GLRA2: variants seen among roughly 807,000 people sequenced by gnomAD.
The protein encoded by GLRA2 is glycine receptor alpha 2.
Under a neutral mutation model 31.6 loss-of-function variants are expected in GLRA2, and 11 were observed. The observed-to-expected ratio is 0.35, with a 90% CI of 0.22 to 0.58. The LOEUF is 0.58. Among genes scored for constraint, GLRA2 ranks in the 20% least tolerant of loss-of-function variants. The probability of loss-of-function intolerance (pLI) is 0.84; values close to 1 mark genes in which losing one functional copy is unlikely to be tolerated. For synonymous variants in GLRA2, 132 were observed against 134.0 expected (o/e 0.99, Z 0.10); for missense variants, 212 against 351.8 (o/e 0.60, Z 3.18).
the GLRA2 span, among the ~76,000 whole-genome samples, chrX:14,504,163 GA>G: frequency 8.9e-6 from 1 of 111,890 alleles, no homozygotes; most frequent in Non-Finnish European, 1.9e-5. Context: ...AAGTTTGGAA[GA>G]AAATAAAGTG....
intron 7 of GLRA2, among the ~76,000 whole-genome samples, chrX:14,636,387 A>T (rs2090710500): frequency 9.0e-6 from 1 of 111,118 alleles, no homozygotes; most frequent in African/African-American, 3.3e-5. Context: ...GATTGTATAT[A>T]ACCTCGGTAT....
chrX:14,449,333 A>T, the GLRA2 span, among the ~76,000 whole-genome samples: 1 of 112,233 alleles, frequency 8.9e-6, no homozygotes, highest in African/African-American at 3.2e-5. Flanking sequence ...CTGGGATCCT[A>T]GCAAAAAGAG....
intron 7 of GLRA2, among the ~76,000 whole-genome samples, chrX:14,622,644 G>C (rs1233324288): frequency 8.9e-6 from 1 of 111,815 alleles, no homozygotes; most frequent in Non-Finnish European, 1.9e-5. Context: ...CGTTAGGTTT[G>C]TCAAAGATCA....
intron 8 of GLRA2, among the ~76,000 whole-genome samples, chrX:14,722,339 C>T (rs1186171492): frequency 9.0e-6 from 1 of 111,189 alleles, no homozygotes; most frequent in Admixed American, 9.6e-5. Flanking sequence ...ACATGGGCTA[C>T]TTTGAGTTCT....
At chrX:14,502,569 C>T in the GLRA2 span, among the ~76,000 whole-genome samples, 1 of 111,362 alleles carries the variant, frequency 9.0e-6, no homozygotes, top group African/African-American at 3.3e-5. Flanking sequence ...AATACCGAAC[C>T]ATTGCTCCTA....
intron 7 of GLRA2, among the ~76,000 whole-genome samples, chrX:14,641,327 G>T (rs1235727116): frequency 1.8e-5 from 2 of 111,049 alleles, no homozygotes; most frequent in African/African-American, 6.5e-5. Flanking sequence ...AATAATTTTT[G>T]CCTTTTTTGA....
intron 2 of GLRA2, among the ~76,000 whole-genome samples, chrX:14,540,729 T>C (rs1011050193): frequency 5.4e-5 from 6 of 111,269 alleles, no homozygotes; most frequent in Admixed American, 4.8e-4. Flanking sequence ...AGATAAGTGC[T>C]ATCCCCAAAA....
chrX:14,614,467 G>A (rs1435307988), intron 7 of GLRA2, among the ~76,000 whole-genome samples: 1 of 111,317 alleles, frequency 9.0e-6, no homozygotes, highest in African/African-American at 3.3e-5. Flanking sequence ...TCCTTAATAA[G>A]ATAGCCCTTC....
the GLRA2 span, among the ~76,000 whole-genome samples, chrX:14,461,496 G>A: frequency 3.2e-4 from 36 of 111,688 alleles, no homozygotes; most frequent in African/African-American, 1.1e-3. Context: ...TCTCTTTGTA[G>A]GTCTCTAAGA....
chrX:14,725,531 C>T (rs1031480009), intron 8 of GLRA2, among the ~76,000 whole-genome samples: 3 of 111,750 alleles, frequency 2.7e-5, no homozygotes, highest in African/African-American at 6.5e-5. Flanking sequence ...GTGAGAAATG[C>T]GATGGAAAGA....
chrX:14,616,900 G>A (rs16979633), intron 7 of GLRA2, among the ~76,000 whole-genome samples: 2,860 of 111,809 alleles, frequency 0.026, 81 homozygotes, highest in African/African-American at 0.088. Context: ...ATATGTAGGA[G>A]ACTTCATAAA....
chrX:14,530,565 T>C lies in GLRA2; in HGVS notation c.68+440T>C, dbSNP rs751040493. 3.6e-5 allele frequency among the ~76,000 whole-genome samples: 4 copies of C among 112,016 alleles called. No homozygotes were observed. The South Asian group carries it at 1.5e-3, about 42-fold the overall frequency. ...CTCAGCCAACTTGGGACTTCTGTTA[T>C]ATTTCAGAAACTAGAAGCATACTAT... On this transcript the variant is annotated intron_variant, in intron 1 of 8. Coordinates refer to ENST00000218075, the MANE Select transcript of GLRA2 (RefSeq NM_002063.4).
chrX:14,485,285 A>T, the GLRA2 span, among the ~76,000 whole-genome samples: 1 of 112,462 alleles, frequency 8.9e-6, no homozygotes, highest in Admixed American at 9.4e-5. Context: ...CCCAAGAGGG[A>T]GATAAAGGAA....
In GLRA2 at chrX:14,731,656, G is replaced by A. The variant is rs1434841552; in HGVS notation, c.*1171G>A. On this transcript the variant is annotated 3_prime_UTR_variant, in exon 9 of 9. Coordinates refer to ENST00000218075, the MANE Select transcript of GLRA2 (RefSeq NM_002063.4). ...CCAGAGCTACGTGGTTTGAATTCTG[G>A]CTACATGTTTTAAGTAAGAAAAAAA... is the stretch of plus-strand genomic sequence containing the variant. 9.0e-6 allele frequency: 1 copy of A among 110,911 alleles called. No homozygotes were observed. Among genetic ancestry groups the A allele is most frequent in the African/African-American group, 3.3e-5 (1 of 30,357 alleles). The allele number at this position is 110,911 out of a possible 1,213,427, so 9.1% of individuals were successfully genotyped here. A position where few individuals can be genotyped will look rare whatever the true frequency, so the allele number is the denominator to read the frequency against.
At chrX:14,456,529 C>T in the GLRA2 span, among the ~76,000 whole-genome samples, 2 of 111,777 alleles carry the variant, frequency 1.8e-5, no homozygotes, top group Non-Finnish European at 3.8e-5. Context: ...CCTTTCCAGC[C>T]TCTGGTGTCC....
chrX:14,605,803 C>G (rs1362512023), intron 5 of GLRA2, among the ~76,000 whole-genome samples: 1 of 111,594 alleles, frequency 9.0e-6, no homozygotes, highest in Admixed American at 9.5e-5. Context: ...CTTCCCCATG[C>G]TGGGGCTTCA....
intron 2 of GLRA2, among the ~76,000 whole-genome samples, chrX:14,545,760 G>A (rs192944032): frequency 9.0e-6 from 1 of 111,433 alleles, no homozygotes; most frequent in African/African-American, 3.3e-5. Flanking sequence ...GGGACAGACG[G>A]TGTCATTAGA....
intron 3 of GLRA2, among the ~76,000 whole-genome samples, chrX:14,577,417 A>T (rs11797199): frequency 0.2 from 22,531 of 112,413 alleles, 2,170 homozygotes; most frequent in Non-Finnish European, 0.31. Context: ...TCATCTTCCA[A>T]GATAATTGAG....
At chrX:14,527,890 T>C (rs1380305827), upstream of GLRA2, among the ~76,000 whole-genome samples, 3 of 112,150 alleles carry the variant, frequency 2.7e-5, no homozygotes, top group Non-Finnish European at 5.6e-5. Context: ...TGAACAGATT[T>C]GAAGCTGCAG....
Sources: allele counts gnomAD v4.1 joint callset (sites outside exome capture counted in the v4.1 genomes callset), GRCh38; gene constraint gnomAD v4.1.1; transcripts MANE v1.5; gene names NCBI Gene and HGNC (gene_info 2026-07-23, HGNC 2026-07-21).